SSBP3: variants seen among roughly 807,000 people sequenced by gnomAD.
SSBP3 encodes the protein single stranded DNA binding protein 3, also known as single-stranded DNA-binding protein 3.
In SSBP3, 5 loss-of-function variants were observed where a neutral mutation model predicts 69.6. The ratio of observed to expected loss-of-function variants is 0.07; its 90% confidence interval spans 0.04 to 0.15. The LOEUF (loss-of-function observed/expected upper bound fraction) is 0.15, where lower values mean the gene tolerates loss of function less well. SSBP3 is among the 10% of genes least tolerant of loss of function. The pLI is 1.00. For synonymous variants in SSBP3, 196 were observed against 193.4 expected, an observed-to-expected ratio of 1.01 and a Z score of -0.11; for missense variants, 312 against 534.0, an observed-to-expected ratio of 0.58 and a Z score of 4.10.
intron 5 of SSBP3, 132 bp downstream of exon 5, chr1:54,281,306 G>C: frequency 1.4e-6 from 1 of 691,358 alleles, no homozygotes; most frequent in Non-Finnish European, 2.4e-6. Flanking sequence ...GGAAGGATTT[G>C]AACCAGCATA....
intron 4 of SSBP3, among the ~76,000 whole-genome samples, chr1:54,353,295 A>T (rs1000204324): frequency 1.6e-4 from 24 of 152,202 alleles, no homozygotes; most frequent in African/African-American, 5.1e-4. Context: ...TGCGAGGGGA[A>T]AAACTGCAGG....
chr1:54,274,466 G>T (rs1390289384), intron 5 of SSBP3, among the ~76,000 whole-genome samples: 1 of 152,126 alleles, frequency 6.6e-6, no homozygotes, highest in African/African-American at 2.4e-5. Context: ...GGAGGGCTAG[G>T]CTGGGCAGCC....
At chr1:54,343,399 GAAC>G (rs1646641040) in intron 4 of SSBP3, among the ~76,000 whole-genome samples, 1 of 152,184 alleles carries the variant, frequency 6.6e-6, no homozygotes, top group African/African-American at 2.4e-5. Flanking sequence ...GGGACTGGGT[GAAC>G]AACATCAGAG....
At chr1:54,388,843 G>T (rs1469800521) in intron 4 of SSBP3, among the ~76,000 whole-genome samples, 2 of 152,214 alleles carry the variant, frequency 1.3e-5, no homozygotes, top group African/African-American at 4.8e-5. Flanking sequence ...GCCATCTCCG[G>T]AGAGAACTCT....
intron 4 of SSBP3, among the ~76,000 whole-genome samples, chr1:54,354,276 G>A (rs2100595335): frequency 6.6e-6 from 1 of 152,306 alleles, no homozygotes; most frequent in South Asian, 2.1e-4. Flanking sequence ...CCTTTCCCAG[G>A]CACCTGCCAC....
intron 7 of SSBP3, among the ~76,000 whole-genome samples, chr1:54,255,377 G>T (rs1192322621): frequency 1.3e-5 from 2 of 152,204 alleles, no homozygotes; most frequent in Admixed American, 6.5e-5. Context: ...GGCCAGTTTG[G>T]ACCAAGAAGA....
chr1:54,257,239 A>C (rs1489384949), intron 6 of SSBP3, 53 bp from the exon 7 acceptor site: 2 of 1,479,134 alleles, frequency 1.4e-6, no homozygotes, highest in Non-Finnish European at 1.8e-6. Context: ...GCACAGTGAC[A>C]AACACAAATG....
chr1:54,310,693 T>C (rs1376365747), intron 4 of SSBP3, among the ~76,000 whole-genome samples: 2 of 145,982 alleles, frequency 1.4e-5, no homozygotes, highest in African/African-American at 2.5e-5. Flanking sequence ...CTAAGTGGAA[T>C]AGTGGGGCTG....
intron 4 of SSBP3, among the ~76,000 whole-genome samples, chr1:54,294,142 CAAAAAA>C (rs1223376233): frequency 4.8e-5 from 2 of 41,550 alleles, no homozygotes; most frequent in Non-Finnish European, 8.8e-5. Flanking sequence ...GACTCCATCT[CAAAAAA>C]AAAAAAAAAA....
chr1:54,406,017 G>A (rs779391190), exon 1 of SSBP3: 23 of 1,468,396 alleles, frequency 1.6e-5, no homozygotes, highest in South Asian at 3.9e-5. Context: ...ATGGTTTGCA[G>A]GGAAGAGGGC....
At chr1:54,376,757 G>A (rs772717189) in intron 4 of SSBP3, among the ~76,000 whole-genome samples, 1 of 152,218 alleles carries the variant, frequency 6.6e-6, no homozygotes, top group Non-Finnish European at 1.5e-5. Context: ...ATTCAAAGCA[G>A]TACTTATTTA....
chr1:54,234,077 T>C (rs1644441782), intron 14 of SSBP3, among the ~76,000 whole-genome samples: 1 of 151,728 alleles, frequency 6.6e-6, no homozygotes, highest in South Asian at 2.1e-4. Context: ...AAACATGTGC[T>C]GTGTCCACTC....
chr1:54,300,584 G>A (rs564046497), intron 4 of SSBP3, among the ~76,000 whole-genome samples: 2 of 152,236 alleles, frequency 1.3e-5, no homozygotes, highest in Admixed American at 6.5e-5. Flanking sequence ...AAGAAAGGAA[G>A]GATTATTTCT....
intron 4 of SSBP3, among the ~76,000 whole-genome samples, chr1:54,290,775 C>T (rs774864103): frequency 1.2e-4 from 18 of 152,222 alleles, no homozygotes; most frequent in Non-Finnish European, 2.1e-4. Context: ...AGGTCCCAGG[C>T]ATGTGCATGC....
chr1:54,294,909 GA>G (rs1645678144), intron 4 of SSBP3, among the ~76,000 whole-genome samples: 1 of 152,012 alleles, frequency 6.6e-6, no homozygotes, highest in South Asian at 2.1e-4. Flanking sequence ...ACCACCCTGC[GA>G]TACCTTCCTC....
At chr1:54,384,110 A>AAAAAAAAAAG (rs1647896342) in intron 4 of SSBP3, among the ~76,000 whole-genome samples, 1 of 150,700 alleles carries the variant, frequency 6.6e-6, no homozygotes, top group East Asian at 1.9e-4. Flanking sequence ...CATCTCAAAA[A>AAAAAAAAAAG]AAAAAAAAAA....
chr1:54,258,444 C>A lies in SSBP3; in HGVS notation c.367-295G>T, dbSNP rs1307537159. ...GAGTACAGTCCTGGACACAGCCTAC[C>A]CTTGGAGCGGAGTTTGCCATGTTAA... On this transcript the variant is annotated intron_variant, in intron 5 of 17. Transcript: ENST00000610401. The surrounding 1 kb of genome is among the most constrained non-coding windows in gnomAD (Gnocchi z 4.5). 6.6e-6 allele frequency among the ~76,000 whole-genome samples: 1 copy of A among 152,170 alleles called. No homozygotes were observed. Among genetic ancestry groups the A allele is most frequent in the Non-Finnish European group, 1.5e-5 (1 of 68,030 alleles).
chr1:54,369,300 G>A (rs1449947915), intron 4 of SSBP3, among the ~76,000 whole-genome samples: 1 of 147,660 alleles, frequency 6.8e-6, no homozygotes, highest in African/African-American at 2.5e-5. Flanking sequence ...CACGGGATTG[G>A]GGGGACGGGG....
intron 9 of SSBP3, among the ~76,000 whole-genome samples, chr1:54,249,482 C>G (rs967852095): frequency 5.9e-5 from 9 of 151,854 alleles, no homozygotes; most frequent in Non-Finnish European, 8.8e-5. Context: ...ATCACTTGAG[C>G]CCAGGAGTTC....
Sources: allele counts gnomAD v4.1 joint callset (sites outside exome capture counted in the v4.1 genomes callset), GRCh38; gene constraint gnomAD v4.1.1; non-coding constraint Gnocchi (gnomAD v3.1); transcripts MANE v1.5; gene names NCBI Gene and HGNC (gene_info 2026-07-23, HGNC 2026-07-21).